TENM3: variants seen among roughly 807,000 people sequenced by gnomAD.
The protein encoded by TENM3 is teneurin-3.
A neutral mutation model predicts 255.1 loss-of-function variants in TENM3; 63 were observed. The observed-to-expected ratio is 0.25, with a 90% confidence interval of 0.20 to 0.30. The LOEUF is 0.30. TENM3 is among the 10% of genes least tolerant of loss of function. The pLI, the probability that TENM3 is intolerant of heterozygous loss-of-function variation, is 1.00. For synonymous variants in TENM3, 1,306 were observed against 1,322.3 expected, an observed-to-expected ratio of 0.99 and a Z score of 0.27; for missense variants, 2,929 against 3,461.1, an observed-to-expected ratio of 0.85 and a Z score of 3.86.
chr4:182,308,674 T>C (rs143990041), intron 1 of TENM3, among the ~76,000 whole-genome samples: 13 of 152,264 alleles, frequency 8.5e-5, no homozygotes, highest in African/African-American at 3.1e-4. Flanking sequence ...ATAAATCATC[T>C]AGGAAATCCA....
the TENM3 span, among the ~76,000 whole-genome samples, chr4:181,849,952 CACACA>C: frequency 1.6e-5 from 2 of 128,108 alleles, no homozygotes; most frequent in African/African-American, 6.8e-5. Context: ...CTCTCTCTCA[CACACA>C]CACACACACA....
At chr4:182,205,882 G>GA (rs1433056348) in intron 1 of TENM3, among the ~76,000 whole-genome samples, 2 of 152,046 alleles carry the variant, frequency 1.3e-5, no homozygotes, top group Non-Finnish European at 2.9e-5. Flanking sequence ...GACAGAATAT[G>GA]AAAAAATTAA....
the TENM3 span, among the ~76,000 whole-genome samples, chr4:181,845,904 C>T: frequency 1.3e-5 from 2 of 152,264 alleles, no homozygotes; most frequent in South Asian, 4.1e-4. Context: ...TGGCTTGAGC[C>T]TCTTATTCTT....
At chr4:181,532,829 G>C in the TENM3 span, among the ~76,000 whole-genome samples, 1 of 151,952 alleles carries the variant, frequency 6.6e-6, no homozygotes, top group African/African-American at 2.4e-5. Context: ...GATATTGTTT[G>C]TTTCATTTAT....
intron 18 of TENM3, among the ~76,000 whole-genome samples, chr4:182,741,767 C>T (rs1761624415): frequency 1.3e-5 from 2 of 151,976 alleles, no homozygotes; most frequent in East Asian, 1.9e-4. Context: ...TTTTATTTTC[C>T]CTGATTTCTT....
chr4:182,088,502 A>G, the TENM3 span, among the ~76,000 whole-genome samples: 6 of 152,192 alleles, frequency 3.9e-5, no homozygotes, highest in African/African-American at 1.4e-4. Flanking sequence ...GCTTCTCTGT[A>G]CAAATGTATT....
intron 12 of TENM3, among the ~76,000 whole-genome samples, chr4:182,693,591 G>A (rs144009344): frequency 3.1e-3 from 464 of 152,116 alleles, no homozygotes; most frequent in African/African-American, 0.011. Flanking sequence ...CACTGCGCCC[G>A]TCCTTTAGCT....
chr4:182,579,993 G>A lies in TENM3; in HGVS notation c.512-20931G>A, dbSNP rs550761951. ...TTGGTCCTTTTGAGAAAATTTGCAG[G>A]ATGTTGAGGTCCGTTGCTGCTGCTG... On this transcript the variant is annotated intron_variant, in intron 3 of 27. Transcript: ENST00000511685. Among the ~76,000 whole-genome samples, 3 of 152,250 alleles carry A rather than the reference G, an allele frequency of 2.0e-5. No homozygotes were observed. In the South Asian group the frequency reaches 6.2e-4, roughly 32 times the overall value.
rs556071455 is a variant in TENM3 at position 182,683,385 on chromosome 4, A to G, written c.2035+1371A>G. 6.2e-4 allele frequency among the ~76,000 whole-genome samples: 94 copies of G among 152,300 alleles called. 2 individuals carry two copies. In the South Asian group the frequency reaches 0.019, roughly 31 times the overall value. Reference sequence around the variant, plus strand: ...CTTCAAAATTCAAACCTTTCTGAACACCAACATGATGCTCAAAGGAAATGC... The same window carrying G: ...CTTCAAAATTCAAACCTTTCTGAACGCCAACATGATGCTCAAAGGAAATGC... On this transcript the variant is annotated intron_variant, in intron 11 of 27. Coordinates refer to ENST00000511685, the MANE Select transcript of TENM3 (RefSeq NM_001080477.4).
chr4:182,218,333 A>C (rs1458029894), intron 1 of TENM3, among the ~76,000 whole-genome samples: 1 of 152,150 alleles, frequency 6.6e-6, no homozygotes, highest in African/African-American at 2.4e-5. Flanking sequence ...TCTTCTAGAG[A>C]TATTTTAACA....
chr4:182,089,879 T>C, the TENM3 span, among the ~76,000 whole-genome samples: 619 of 152,348 alleles, frequency 4.1e-3, 3 homozygotes, highest in Non-Finnish European at 5.8e-3. Context: ...TATAGAGTAT[T>C]AGCTATAAGT....
At chr4:182,042,648 G>A in the TENM3 span, among the ~76,000 whole-genome samples, 1 of 152,112 alleles carries the variant, frequency 6.6e-6, no homozygotes, top group African/African-American at 2.4e-5. Context: ...GAATATGTAG[G>A]AATGTCGACA....
intron 2 of TENM3, among the ~76,000 whole-genome samples, 162 bp from the exon 3 acceptor site, chr4:182,346,489 C>G (rs1030076496): frequency 7.2e-5 from 11 of 151,962 alleles, no homozygotes; most frequent in Non-Finnish European, 1.5e-4. Flanking sequence ...CCACTTGATC[C>G]TATGCCGTGT....
chr4:181,777,011 G>A, the TENM3 span, among the ~76,000 whole-genome samples: 8 of 151,802 alleles, frequency 5.3e-5, no homozygotes, highest in East Asian at 1.9e-4. Flanking sequence ...TGCCTAGGCC[G>A]ATATCCAGGA....
intron 1 of TENM3, among the ~76,000 whole-genome samples, chr4:182,228,382 G>GTATATATATATATATA (rs1756333811): frequency 3.2e-5 from 3 of 94,432 alleles, no homozygotes; most frequent in African/African-American, 1.3e-4. Flanking sequence ...GTGTGTGTGT[G>GTATATATATATATATA]TGTGTGTGTG....
intron 4 of TENM3, among the ~76,000 whole-genome samples, chr4:182,624,105 G>A (rs1561020890): frequency 6.6e-6 from 1 of 152,134 alleles, no homozygotes; most frequent in Non-Finnish European, 1.5e-5. Flanking sequence ...GAATCACGCG[G>A]GGAGGCCAGG....
chr4:182,684,913 G>A (rs1023006849), intron 11 of TENM3, among the ~76,000 whole-genome samples: 1 of 152,080 alleles, frequency 6.6e-6, no homozygotes, highest in Non-Finnish European at 1.5e-5. Flanking sequence ...AAGTAAAAAG[G>A]CTAGTAATTT....
chr4:182,132,933 G>A, the TENM3 span, among the ~76,000 whole-genome samples: 766 of 152,236 alleles, frequency 5.0e-3, 1 homozygote, highest in Middle Eastern at 0.02. Context: ...TAATAGTAAC[G>A]ACTTGTGAAG....
chr4:182,119,123 G>T, the TENM3 span, among the ~76,000 whole-genome samples: 1 of 152,120 alleles, frequency 6.6e-6, no homozygotes, highest in African/African-American at 2.4e-5. Context: ...ATGGCTGGAA[G>T]GGGCTAGAGA....
Sources: gnomAD v4.1 joint callset for allele counts (sites outside exome capture counted in the v4.1 genomes callset) on GRCh38, gnomAD v4.1.1 for gene constraint, MANE v1.5 for transcripts, NCBI Gene and HGNC (gene_info 2026-07-23, HGNC 2026-07-21) for gene names.